ZC3H12B: variants seen among roughly 807,000 people sequenced by gnomAD.
The protein encoded by ZC3H12B is probable ribonuclease ZC3H12B.
A neutral mutation model predicts 43.9 loss-of-function variants in ZC3H12B; 7 were observed. That is an observed-to-expected ratio of 0.16 (90% confidence interval 0.09 to 0.30). The LOEUF (loss-of-function observed/expected upper bound fraction) is 0.30, where lower values mean the gene tolerates loss of function less well. Ranked by LOEUF, ZC3H12B falls within the 10% of genes least tolerant of loss-of-function variation. The pLI is 1.00. For synonymous variants in ZC3H12B, 222 were observed against 241.7 expected (o/e 0.92, Z 0.76); for missense variants, 475 against 670.2 (o/e 0.71, Z 3.22).
At chrX:65,347,798 G>T in the ZC3H12B span, among the ~76,000 whole-genome samples, 1 of 112,213 alleles carries the variant, frequency 8.9e-6, no homozygotes, top group Non-Finnish European at 1.9e-5. Context: ...TATGTTTATT[G>T]TGGCACTATT....
At chrX:65,235,165 G>T in the ZC3H12B span, among the ~76,000 whole-genome samples, 1 of 111,666 alleles carries the variant, frequency 9.0e-6, no homozygotes, top group Non-Finnish European at 1.9e-5. Flanking sequence ...ATGCATGCAT[G>T]TATCTTTATA....
the ZC3H12B span, among the ~76,000 whole-genome samples, chrX:65,072,563 T>C: frequency 1.8e-5 from 2 of 112,208 alleles, no homozygotes; most frequent in East Asian, 5.6e-4. Context: ...ATGAGTTTTT[T>C]TTTCTTTTAT....
chrX:65,304,727 C>T, the ZC3H12B span, among the ~76,000 whole-genome samples: 8 of 111,224 alleles, frequency 7.2e-5, no homozygotes, highest in African/African-American at 2.0e-4. Flanking sequence ...AAAAAGTACA[C>T]TTTTAGAAGA....
the ZC3H12B span, among the ~76,000 whole-genome samples, chrX:65,161,727 C>A: frequency 8.9e-6 from 1 of 112,030 alleles, no homozygotes; most frequent in African/African-American, 3.2e-5. Context: ...ATTTGCCAGT[C>A]AGTGTCTTTT....
chrX:65,200,970 A>G, the ZC3H12B span, among the ~76,000 whole-genome samples: 1 of 111,300 alleles, frequency 9.0e-6, no homozygotes, highest in Non-Finnish European at 1.9e-5. Flanking sequence ...TTTTGCATCG[A>G]TGTTCATCAA....
At chrX:65,159,365 G>A in the ZC3H12B span, among the ~76,000 whole-genome samples, 2 of 111,627 alleles carry the variant, frequency 1.8e-5, no homozygotes, top group South Asian at 3.7e-4. Context: ...GGGCAGTATG[G>A]CCGTTTTCAT....
At chrX:65,037,262 C>A in the ZC3H12B span, among the ~76,000 whole-genome samples, 1 of 111,398 alleles carries the variant, frequency 9.0e-6, no homozygotes, top group African/African-American at 3.3e-5. Context: ...ATACTGTAGG[C>A]TGGATTTTTC....
At chrX:65,156,051 C>T in the ZC3H12B span, among the ~76,000 whole-genome samples, 1 of 110,566 alleles carries the variant, frequency 9.0e-6, no homozygotes, top group South Asian at 3.8e-4. Context: ...CTCTGTGAAT[C>T]ACTTTTGGCA....
chrX:65,160,076 T>C, the ZC3H12B span, among the ~76,000 whole-genome samples: 2 of 112,149 alleles, frequency 1.8e-5, no homozygotes, highest in East Asian at 2.8e-4. Context: ...TATTGATTTG[T>C]GTATATTGAA....
intron 3 of ZC3H12B, among the ~76,000 whole-genome samples, chrX:65,450,285 C>G (rs1159532716): frequency 4.4e-5 from 4 of 90,288 alleles, no homozygotes; most frequent in Non-Finnish European, 8.4e-5. Flanking sequence ...GCCTGGGCGA[C>G]AGAGCAAGAC....
At chrX:65,280,066 A>T in the ZC3H12B span, among the ~76,000 whole-genome samples, 1 of 112,124 alleles carries the variant, frequency 8.9e-6, no homozygotes, top group African/African-American at 3.2e-5. Context: ...AGCCAGCATA[A>T]CTCTGAAACC....
At chrX:65,117,580 T>C in the ZC3H12B span, among the ~76,000 whole-genome samples, 1 of 112,000 alleles carries the variant, frequency 8.9e-6, no homozygotes, top group Non-Finnish European at 1.9e-5. Context: ...ATCCCATGTG[T>C]CAATTTTGTC....
At chrX:65,427,483 C>T (rs1007342422) in intron 3 of ZC3H12B, among the ~76,000 whole-genome samples, 2 of 110,734 alleles carry the variant, frequency 1.8e-5, no homozygotes, top group African/African-American at 6.6e-5. Context: ...TGCATGCCAC[C>T]ATGCCTGGCT....
the ZC3H12B span, among the ~76,000 whole-genome samples, chrX:65,351,035 A>G: frequency 8.9e-6 from 1 of 112,247 alleles, no homozygotes; most frequent in African/African-American, 3.2e-5. Flanking sequence ...GGCAAGAAGA[A>G]AAAAGCTGGA....
At chrX:65,342,761 G>T in the ZC3H12B span, among the ~76,000 whole-genome samples, 1 of 106,330 alleles carries the variant, frequency 9.4e-6, no homozygotes, top group Admixed American at 1.0e-4. Context: ...AGAACAAAGA[G>T]CAGAGCAAAC....
the ZC3H12B span, among the ~76,000 whole-genome samples, chrX:65,359,284 G>A: frequency 2.7e-5 from 3 of 111,895 alleles, no homozygotes; most frequent in Non-Finnish European, 5.6e-5. Flanking sequence ...TCATCCTGCA[G>A]CCTAGAGATC....
At chrX:65,257,476 T>G in the ZC3H12B span, among the ~76,000 whole-genome samples, 1 of 110,367 alleles carries the variant, frequency 9.1e-6, no homozygotes, top group Non-Finnish European at 1.9e-5. Flanking sequence ...GGGGGAGGGA[T>G]AGCATTAGGA....
chrX:65,358,098 G>C, the ZC3H12B span, among the ~76,000 whole-genome samples: 125 of 109,536 alleles, frequency 1.1e-3, no homozygotes, highest in African/African-American at 4.0e-3. Flanking sequence ...AAAAGACAAA[G>C]AAGGGCATTA....
the ZC3H12B span, among the ~76,000 whole-genome samples, chrX:65,079,027 C>A: frequency 8.9e-6 from 1 of 111,900 alleles, no homozygotes; most frequent in Admixed American, 9.4e-5. Context: ...ACCCCTACTA[C>A]CCTTCTCAGC....
Sources: gnomAD v4.1 joint callset for allele counts (sites outside exome capture counted in the v4.1 genomes callset) on GRCh38, gnomAD v4.1.1 for gene constraint, MANE v1.5 for transcripts, NCBI Gene and HGNC (gene_info 2026-07-23, HGNC 2026-07-21) for gene names.